The following LSS variants were observed in gnomAD, a reference collection of about 807,000 sequenced individuals.
The protein encoded by LSS is 2,3-epoxysqualene-lanosterol cyclase.
In LSS, 90 loss-of-function variants were observed where a neutral mutation model predicts 110.3. The ratio of observed to expected loss-of-function variants is 0.82; its 90% CI spans 0.69 to 0.97. The LOEUF is 0.97. Ranked by LOEUF, LSS falls within the 50% of genes least tolerant of loss-of-function variation. LSS has a pLI of 0.00. For synonymous variants in LSS, 433 were observed against 400.0 expected (o/e 1.08, Z -0.98); for missense variants, 927 against 990.0 (o/e 0.94, Z 0.85).
At chr21:46,226,511 C>T (rs544951004) in intron 3 of LSS, among the ~76,000 whole-genome samples, 1 of 152,332 alleles carries the variant, frequency 6.6e-6, no homozygotes, top group East Asian at 1.9e-4. Flanking sequence ...CAGGTGGCAG[C>T]AGGGCTAGAA....
intron 9 of LSS, among the ~76,000 whole-genome samples, chr21:46,214,079 GAGA>G (rs1187260513): frequency 1.3e-5 from 2 of 152,240 alleles, no homozygotes; most frequent in Non-Finnish European, 2.9e-5. Context: ...CTTAGGCTGT[GAGA>G]AGGAGCAGCA....
chr21:46,191,933 C>G lies in LSS; in HGVS notation c.2015G>C (p.Arg672Thr). Residue 672 changes from arginine to threonine, a missense_variant, in exon 21 of 22, where the codon AGA becomes ACA. Arg to Thr is a moderately conservative substitution (Grantham distance 71). Transcript: ENST00000397728. ...TTTCTCAAGTAGACACCGGACTCCT[C>G]TCTCCTGGGCCTCGATGTCAGGATG... ...VRHPDIEAQE[R>T]GVRCLLEKQL... 1.2e-6 allele frequency: 2 copies of G among 1,613,774 alleles called. No individual in the cohort carries two copies. Among genetic ancestry groups the G allele is most frequent in the Non-Finnish European group, 1.7e-6 (2 of 1,179,926 alleles).
Position 46,222,738 on chromosome 21 carries a change from C to A in LSS, c.320G>T (p.Gly107Val), listed in dbSNP as rs1174337900. The A allele has an allele frequency of 1.9e-6, 3 of 1,612,210 alleles. No homozygotes were observed. The Admixed American group carries it at 5.0e-5, about 27-fold the overall frequency. The change falls in exon 4 of 22, where the codon GGC becomes GTC. Residue 107 changes from glycine to valine, a missense_variant and splice_region_variant. By Grantham distance (109) the Gly-to-Val change is moderately radical. Transcript: ENST00000397728. ...DYGGPLFLLPGLLITCHVARI... is the reference protein window; with the variant it reads ...DYGGPLFLLPVLLITCHVARI... The stretch of plus-strand genomic sequence containing the variant: ...TGCCACGTGGCAAGTGATCAGGAGG[C>A]CTGTGTGGCAGGAGAGATGTTCCTC...
At chr21:46,208,469 C>G (rs190375480) in intron 13 of LSS, among the ~76,000 whole-genome samples, 168 bp from the exon 14 acceptor site, 505 of 152,356 alleles carry the variant, frequency 3.3e-3, no homozygotes, top group South Asian at 0.012. Flanking sequence ...GCGCGAGGGC[C>G]TGCACCTGTT....
chr21:46,221,542 G>T (rs2080279303), intron 5 of LSS, among the ~76,000 whole-genome samples: 1 of 152,092 alleles, frequency 6.6e-6, no homozygotes, highest in Non-Finnish European at 1.5e-5. Flanking sequence ...TGTTTTTGTA[G>T]AGACCAGGTC....
chr21:46,207,711 G>T, intron 14 of LSS, 134 bp from the exon 15 acceptor site: 1 of 1,010,110 alleles, frequency 9.9e-7, no homozygotes. Flanking sequence ...CAAAGGTGTG[G>T]GTGCAGCCAG....
In LSS at chr21:46,189,336, G is replaced by T. The variant is rs2079771775; in HGVS notation, c.*1768C>A. ...TGTCCTGCTGCTACCCCACGTGGGG[G>T]AGAACACGTGGGCTGAGAAAAAAAA... On this transcript the variant is annotated 3_prime_UTR_variant, in exon 22 of 22. Coordinates refer to ENST00000397728, the MANE Select transcript of LSS (RefSeq NM_002340.6). 3.6e-6 allele frequency: 1 copy of T among 278,672 alleles called. No individual in the cohort carries two copies. Among genetic ancestry groups the T allele is most frequent in the African/African-American group, 2.3e-5 (1 of 44,122 alleles). The allele number at this position is 278,672 out of a possible 1,614,324, so 17.3% of individuals were successfully genotyped here. A position where few individuals can be genotyped will look rare whatever the true frequency, so the allele number is the denominator to read the frequency against.
At position 46,192,625 on chromosome 21, in the gene LSS, G is replaced by A. The variant is rs556476711; in HGVS notation, c.1989-666C>T. 9 of 376,446 alleles carry A rather than the reference G, an allele frequency of 2.4e-5. 1 individual carries two copies. In the East Asian group the frequency reaches 7.8e-4, roughly 33 times the overall value. The allele number at this position is 376,446 out of a possible 1,614,324, so 23.3% of individuals were successfully genotyped here. A position where few individuals can be genotyped will look rare whatever the true frequency, so the allele number is the denominator to read the frequency against. On this transcript the variant is annotated intron_variant, in intron 20 of 21. Coordinates refer to ENST00000397728, the MANE Select transcript of LSS (RefSeq NM_002340.6). ...GTGTGGCACAGATGCGATACTGCGGGTGCATCTGCATATGTGTGCACAGGT... is the reference window on the plus strand; with the variant it reads ...GTGTGGCACAGATGCGATACTGCGGATGCATCTGCATATGTGTGCACAGGT...
chr21:46,223,951 T>C (rs1329205092), intron 3 of LSS, among the ~76,000 whole-genome samples: 3 of 152,106 alleles, frequency 2.0e-5, no homozygotes, highest in African/African-American at 7.2e-5. Flanking sequence ...CCCGGGGGAA[T>C]TTAGAGAAGA....
At position 46,207,471 on chromosome 21, in the gene LSS, G is replaced by T; in HGVS notation, c.1424C>A (p.Thr475Asn). The change falls in exon 15 of 22, where the codon ACC (threonine) becomes AAC (asparagine). Residue 475 changes from threonine (T) to asparagine (N), a missense_variant. Thr to Asn is a moderately conservative substitution (Grantham distance 65). Transcript: ENST00000397728. ...GAGCCGTTCTCTGGGGATGTGCTCGGTGACATGGGGACACTTCTCCTGCAG... is the reference window on the plus strand; with the variant it reads ...GAGCCGTTCTCTGGGGATGTGCTCGTTGACATGGGGACACTTCTCCTGCAG... Reference protein sequence around the residue: ...LLLQEKCPHVTEHIPRERLCD... With the variant: ...LLLQEKCPHVNEHIPRERLCD... 1.9e-6 allele frequency: 3 copies of T among 1,612,572 alleles called. No homozygotes were observed. The highest frequency in any genetic ancestry group is 2.5e-6 in the Non-Finnish European group (3 of 1,179,630).
intron 1 of LSS, 55 bp from the exon 2 acceptor site, chr21:46,228,654 C>T (rs750427441): frequency 1.9e-6 from 3 of 1,596,666 alleles, no homozygotes; most frequent in Non-Finnish European, 2.5e-6. Flanking sequence ...CGGCCGCCGG[C>T]CCACTGCCCC....
At chr21:46,200,034 G>C (rs1390864470) in intron 17 of LSS, among the ~76,000 whole-genome samples, 1 of 152,164 alleles carries the variant, frequency 6.6e-6, no homozygotes, top group African/African-American at 2.4e-5. Context: ...GGAGTTAGCG[G>C]CTTTATGGGA....
chr21:46,197,960 A>G (rs1269621716), intron 17 of LSS, among the ~76,000 whole-genome samples: 2 of 152,220 alleles, frequency 1.3e-5, no homozygotes, highest in African/African-American at 2.4e-5. Flanking sequence ...ACTAAGGTCG[A>G]TCTCAGAAAT....
At position 46,227,719 on chromosome 21, in the gene LSS, A is replaced by G. The variant is rs769899527; in HGVS notation, c.181-29T>C. ...CAAAGAGATCGAAAAAAAAAAAAAG[A>G]GATAGCTGACGGGACTGTTGCCCGG... On this transcript the variant is annotated intron_variant, in intron 2 of 21. Transcript: ENST00000397728. The G allele has an allele frequency of 4.4e-6, 7 of 1,608,324 alleles. No homozygotes were observed. The South Asian group carries it at 6.6e-5, about 15-fold the overall frequency.
rs1396869514 is a variant in LSS, at chr21:46,188,528, T to G, written c.*2576A>C. The G allele has an allele frequency of 4.7e-6, 2 of 424,330 alleles. No homozygotes were observed. Among genetic ancestry groups the G allele is most frequent in the Non-Finnish European group, 9.7e-6 (2 of 206,050 alleles). 26.3% of individuals were successfully genotyped at this position (424,330 alleles called of 1,614,324 possible). On this transcript the variant is annotated 3_prime_UTR_variant, in exon 22 of 22. Coordinates refer to ENST00000397728, the MANE Select transcript of LSS (RefSeq NM_002340.6). ...GCACCGGTACAGCTGCCATCTCCTC[T>G]TGGTGGTGTCCTTTGTCAAGAGCAT... is the stretch of plus-strand genomic sequence containing the variant.
At chr21:46,214,955 G>A (rs1601438281) in intron 9 of LSS, among the ~76,000 whole-genome samples, 2 of 152,098 alleles carry the variant, frequency 1.3e-5, no homozygotes, top group South Asian at 2.1e-4. Flanking sequence ...GGTGGGGGAC[G>A]GAAGCGGGGG....
At position 46,222,174 on chromosome 21, in the gene LSS, C is replaced by G. The variant is rs370756820; in HGVS notation, c.429-199G>C. On this transcript the variant is annotated intron_variant, in intron 4 of 21. Transcript: ENST00000397728. ...CACCTCCCATGACAACTGAGCCCCC[C>G]ACTCCTTCCTCACCGTGACCCGCCT... 455 of 600,990 alleles carry G rather than the reference C, an allele frequency of 7.6e-4. 2 individuals carry two copies. Among genetic ancestry groups the G allele is most frequent in the African/African-American group, 6.8e-3 (366 of 53,948 alleles). The allele number at this position is 600,990 out of a possible 1,614,324, so 37.2% of individuals were successfully genotyped here.
intron 3 of LSS, among the ~76,000 whole-genome samples, chr21:46,223,166 C>A (rs1034597120): frequency 6.6e-6 from 1 of 152,220 alleles, no homozygotes; most frequent in African/African-American, 2.4e-5. Context: ...AATTGGTCAC[C>A]CTTGCATGTG....
At chr21:46,203,624 C>G (rs1056117655) in intron 17 of LSS, among the ~76,000 whole-genome samples, 10 of 152,228 alleles carry the variant, frequency 6.6e-5, no homozygotes, top group African/African-American at 2.4e-4. Flanking sequence ...GAGGACAACT[C>G]ACGCCCACCT....
Sources: gnomAD v4.1 joint callset for allele counts (sites outside exome capture counted in the v4.1 genomes callset) on GRCh38, gnomAD v4.1.1 for gene constraint, MANE v1.5 for transcripts, NCBI Gene and HGNC (gene_info 2026-07-23, HGNC 2026-07-21) for gene names.